Variants in MYCT1 observed in about 807,000 individuals in gnomAD.
The protein encoded by MYCT1 is myc target protein 1.
In MYCT1, 12 loss-of-function variants were observed where a neutral mutation model predicts 15.0. The ratio of observed to expected loss-of-function variants is 0.80; its 90% CI spans 0.51 to 1.29. The LOEUF is 1.29. Ranked by LOEUF, MYCT1 falls within the 50% of genes most tolerant of loss-of-function variation. MYCT1 has a pLI of 0.00. For synonymous variants in MYCT1, 104 were observed against 102.7 expected (o/e 1.01, Z -0.07); for missense variants, 287 against 279.1 (o/e 1.03, Z -0.20).
chr6:152,698,099 G>T lies in MYCT1; in HGVS notation c.196+1G>T. The T allele has an allele frequency of 3.3e-6, 5 of 1,537,006 alleles. No individual in the cohort carries two copies. Among genetic ancestry groups the T allele is most frequent in the African/African-American group, 1.4e-5 (1 of 70,700 alleles). On this transcript the variant is annotated splice_donor_variant, in intron 1 of 1. Coordinates refer to ENST00000367245, the MANE Select transcript of MYCT1 (RefSeq NM_025107.3). LOFTEE classifies it high-confidence loss of function. ...AGTCCATGGCCAGAAAACTTTTGGG[G>T]TAAGGTATTTTCTTTTACTGTTTAA...
In MYCT1 at chr6:152,697,911, A is replaced by G; in HGVS notation, c.9A>G (p.Thr3=). The G allele has an allele frequency of 6.4e-7, 1 of 1,570,010 alleles. No individual in the cohort carries two copies. Among genetic ancestry groups the G allele is most frequent in the Non-Finnish European group, 8.6e-7 (1 of 1,163,522 alleles). Reference sequence around the variant, plus strand: ...TACACTTATTTCCTTTTATGCGAACACAAGTATATGAGGGGTTGTGTAAAA... The same window carrying G: ...TACACTTATTTCCTTTTATGCGAACGCAAGTATATGAGGGGTTGTGTAAAA... MR[T]QVYEGLCKNY... is the part of the protein sequence containing the mutation. Residue 3 remains threonine (T), a synonymous_variant, in exon 1 of 2, where the codon ACA becomes ACG. Coordinates refer to ENST00000367245, the MANE Select transcript of MYCT1 (RefSeq NM_025107.3).
downstream of MYCT1, among the ~76,000 whole-genome samples, chr6:152,724,979 CATTTT>C (rs2099725385): frequency 6.6e-6 from 1 of 151,572 alleles, no homozygotes; most frequent in Non-Finnish European, 1.5e-5. Context: ...AGGGAATAAG[CATTTT>C]AAATAATGGC....
chr6:152,709,004 C>G (rs2099722758), intron 1 of MYCT1, among the ~76,000 whole-genome samples: 1 of 20,900 alleles, frequency 4.8e-5, no homozygotes, highest in Non-Finnish European at 1.1e-4. Context: ...TGCTATCCCT[C>G]CCCCCTCCCC....
chr6:152,701,467 G>C (rs2099721298), intron 1 of MYCT1, among the ~76,000 whole-genome samples: 1 of 152,192 alleles, frequency 6.6e-6, no homozygotes, highest in Admixed American at 6.5e-5. Context: ...GAATGTCAGC[G>C]TGAAAGTTTG....
At chr6:152,727,912 C>T (rs528889869), downstream of MYCT1, among the ~76,000 whole-genome samples, 1 of 152,216 alleles carries the variant, frequency 6.6e-6, no homozygotes, top group African/African-American at 2.4e-5. Context: ...GCCTGTAATC[C>T]CAGCACTTTG....
chr6:152,700,876 G>C (rs1366702141), intron 1 of MYCT1, among the ~76,000 whole-genome samples: 1 of 152,156 alleles, frequency 6.6e-6, no homozygotes, highest in East Asian at 1.9e-4. Context: ...GGTTGCAGGA[G>C]TTTGCATTTA....
intron 1 of MYCT1, chr6:152,706,067 A>T (rs2099722207): frequency 6.7e-7 from 1 of 1,483,846 alleles, no homozygotes; most frequent in African/African-American, 1.4e-5. Flanking sequence ...AAAAAAGAGA[A>T]GGACCCTGGA....
intron 1 of MYCT1, chr6:152,705,925 T>C: frequency 1.3e-6 from 1 of 770,284 alleles, no homozygotes; most frequent in Non-Finnish European, 2.4e-6. Flanking sequence ...GATGCTATGG[T>C]CAGAGATTTT....
intron 1 of MYCT1, among the ~76,000 whole-genome samples, chr6:152,707,871 T>C (rs1044660819): frequency 1.3e-5 from 2 of 152,094 alleles, no homozygotes; most frequent in Non-Finnish European, 2.9e-5. Context: ...TCTATGTAAA[T>C]GCCAGTACCT....
intron 1 of MYCT1, among the ~76,000 whole-genome samples, chr6:152,712,906 G>C (rs1273223779): frequency 6.6e-6 from 1 of 151,786 alleles, no homozygotes; most frequent in Non-Finnish European, 1.5e-5. Flanking sequence ...TATATATTCT[G>C]CTTGATGTTA....
At chr6:152,730,586 C>T in the MYCT1 span, among the ~76,000 whole-genome samples, 1 of 152,198 alleles carries the variant, frequency 6.6e-6, no homozygotes, top group Admixed American at 6.5e-5. Flanking sequence ...AGACCTTACT[C>T]TTGTTAATTG....
chr6:152,743,834 G>T, the MYCT1 span, among the ~76,000 whole-genome samples: 1 of 152,206 alleles, frequency 6.6e-6, no homozygotes, highest in Non-Finnish European at 1.5e-5. Context: ...AGTCAGAAAT[G>T]AGAACATTAG....
intron 1 of MYCT1, among the ~76,000 whole-genome samples, chr6:152,708,857 T>C (rs182388305): frequency 6.4e-5 from 1 of 15,696 alleles, no homozygotes; most frequent in African/African-American, 1.2e-4. Context: ...TATTTATTTT[T>C]TTATTTTTTT....
the MYCT1 span, among the ~76,000 whole-genome samples, chr6:152,737,867 C>T: frequency 1.3e-5 from 2 of 152,096 alleles, no homozygotes; most frequent in African/African-American, 2.4e-5. Context: ...TATTGTTTCA[C>T]TTGTACAAAA....
At chr6:152,717,919 T>C (rs2099724028) in intron 1 of MYCT1, among the ~76,000 whole-genome samples, 1 of 152,172 alleles carries the variant, frequency 6.6e-6, no homozygotes, top group Non-Finnish European at 1.5e-5. Flanking sequence ...TTTATATTCA[T>C]TCAAAATTTA....
intron 1 of MYCT1, among the ~76,000 whole-genome samples, chr6:152,713,138 C>T (rs964106455): frequency 6.6e-6 from 1 of 151,972 alleles, no homozygotes; most frequent in African/African-American, 2.4e-5. Context: ...TCTATTAATA[C>T]ACCTTTAAGT....
chr6:152,737,245 T>G, the MYCT1 span, among the ~76,000 whole-genome samples: 1 of 150,690 alleles, frequency 6.6e-6, no homozygotes, highest in East Asian at 1.9e-4. Flanking sequence ...AATTAAAAGT[T>G]TTTTTTTTTC....
rs2129070887 is a variant in MYCT1, at chr6:152,722,611, T to C, written c.*358T>C. 8.1e-6 allele frequency: 2 copies of C among 245,582 alleles called. No individual in the cohort carries two copies. Among genetic ancestry groups the C allele is most frequent in the Admixed American group, 5.2e-5 (1 of 19,144 alleles). 15.2% of individuals were successfully genotyped at this position (245,582 alleles called of 1,614,324 possible). ...TTTGTGGATTACAATCCTCATTTACTTCCAATGTGACTAAAAAGAGAAAAA... is the reference window on the plus strand; with the variant it reads ...TTTGTGGATTACAATCCTCATTTACCTCCAATGTGACTAAAAAGAGAAAAA... On this transcript the variant is annotated 3_prime_UTR_variant, in exon 2 of 2. Transcript: ENST00000367245.
chr6:152,706,018 C>G (rs952143852), intron 1 of MYCT1: 3 of 950,284 alleles, frequency 3.2e-6, no homozygotes, highest in African/African-American at 3.2e-5. Context: ...GTGGCCTCTC[C>G]ATTAACTACA....
Sources: gnomAD v4.1 joint callset for allele counts (sites outside exome capture counted in the v4.1 genomes callset) on GRCh38, gnomAD v4.1.1 for gene constraint, MANE v1.5 for transcripts, NCBI Gene and HGNC (gene_info 2026-07-23, HGNC 2026-07-21) for gene names.